Variants in ADGRL2 observed in about 807,000 individuals in gnomAD.
ADGRL2 encodes adhesion G protein-coupled receptor L2, also known as calcium-independent alpha-latrotoxin receptor 2.
In ADGRL2, 44 loss-of-function variants were observed where a neutral mutation model predicts 157.4. That is an observed-to-expected ratio of 0.28 (90% confidence interval 0.22 to 0.36). The LOEUF (loss-of-function observed/expected upper bound fraction) is 0.36, where lower values mean the gene tolerates loss of function less well. Among genes scored for constraint, ADGRL2 ranks in the 10% least tolerant of loss-of-function variants. The pLI is 1.00. For missense variants in ADGRL2, 1,510 were observed against 1,768.9 expected (o/e 0.85, Z 2.63); for synonymous variants, 585 against 624.7 (o/e 0.94, Z 0.95).
At chr1:81,341,373 G>T (rs1387693265) in intron 1 of ADGRL2, among the ~76,000 whole-genome samples, 2 of 152,006 alleles carry the variant, frequency 1.3e-5, no homozygotes, top group Non-Finnish European at 2.9e-5. Flanking sequence ...TGTCATCTCT[G>T]TGGCCTCTTC....
chr1:81,486,654 T>C (rs2078509062), intron 2 of ADGRL2, among the ~76,000 whole-genome samples: 1 of 152,162 alleles, frequency 6.6e-6, no homozygotes, highest in Non-Finnish European at 1.5e-5. Context: ...CTGTGGATTC[T>C]GAATTTGTCC....
intron 1 of ADGRL2, among the ~76,000 whole-genome samples, chr1:81,757,984 T>C (rs1290296459): frequency 6.6e-6 from 1 of 152,172 alleles, no homozygotes; most frequent in African/African-American, 2.4e-5. Context: ...GAACATAAAC[T>C]AGAACTTTAC....
intron 1 of ADGRL2, among the ~76,000 whole-genome samples, chr1:81,348,351 C>T (rs577468122): frequency 6.6e-5 from 10 of 152,142 alleles, no homozygotes; most frequent in South Asian, 2.1e-4. Flanking sequence ...AACAAGGCAA[C>T]GACAAACTCG....
At chr1:81,707,059 A>G (rs2083760294) in intron 1 of ADGRL2, among the ~76,000 whole-genome samples, 1 of 152,190 alleles carries the variant, frequency 6.6e-6, no homozygotes, top group Admixed American at 6.5e-5. Flanking sequence ...AGTAGTACAA[A>G]TTTAACTTGG....
chr1:81,578,054 T>C (rs936592246), intron 2 of ADGRL2, among the ~76,000 whole-genome samples: 3 of 152,148 alleles, frequency 2.0e-5, no homozygotes, highest in Non-Finnish European at 2.9e-5. Context: ...AAGAAATAAA[T>C]GACACAGGGT....
At chr1:81,306,755 A>G (rs1659363565) in intron 1 of ADGRL2, among the ~76,000 whole-genome samples, 1 of 152,172 alleles carries the variant, frequency 6.6e-6, no homozygotes, top group Non-Finnish European at 1.5e-5. Context: ...TCCACTCTCT[A>G]ATGTAGAAAT....
rs1570556835 is a variant in ADGRL2 at position 81,579,455 on chromosome 1, A to G, written c.-247-1421A>G. 3 of 152,214 alleles carry G rather than the reference A, an allele frequency of 2.0e-5. No homozygotes were observed. In the East Asian group the frequency reaches 5.8e-4, roughly 29 times the overall value. 9.4% of individuals were successfully genotyped at this position (152,214 alleles called of 1,614,324 possible). A position where few individuals can be genotyped will look rare whatever the true frequency, so the allele number is the denominator to read the frequency against. ...TACTGGCAATCAGACCTTGAAAACT[A>G]CTCCATGCCCAATAATAATGAAGAT... On this transcript the variant is annotated intron_variant, in intron 2 of 24. Coordinates refer to the ADGRL2 transcript ENST00000370721.
intron 3 of ADGRL2, among the ~76,000 whole-genome samples, chr1:81,627,485 A>G (rs757782309): frequency 1.3e-5 from 2 of 152,142 alleles, no homozygotes; most frequent in Non-Finnish European, 2.9e-5. Context: ...ATTTACTGAG[A>G]GTTTACTATG....
chr1:81,775,988 G>A (rs1196120159), intron 2 of ADGRL2, among the ~76,000 whole-genome samples: 1 of 151,934 alleles, frequency 6.6e-6, no homozygotes, highest in Non-Finnish European at 1.5e-5. Flanking sequence ...CTTTTTTCTG[G>A]TACCTATTTT....
intron 3 of ADGRL2, among the ~76,000 whole-genome samples, chr1:81,635,009 G>T (rs1186223586): frequency 6.6e-6 from 1 of 152,186 alleles, no homozygotes; most frequent in Non-Finnish European, 1.5e-5. Context: ...ACCTAGAAGT[G>T]CTGGGGCTTA....
At chr1:81,816,287 A>C (rs2090396552) in intron 1 of ADGRL2, among the ~76,000 whole-genome samples, 1 of 151,916 alleles carries the variant, frequency 6.6e-6, no homozygotes, top group Non-Finnish European at 1.5e-5. Context: ...AAATCACCAT[A>C]AACTCTTATG....
chr1:81,646,328 G>T (rs1395990159), intron 3 of ADGRL2, among the ~76,000 whole-genome samples: 1 of 152,098 alleles, frequency 6.6e-6, no homozygotes, highest in Non-Finnish European at 1.5e-5. Flanking sequence ...ATTATTTCTT[G>T]GACTAGGAGG....
intron 6 of ADGRL2, among the ~76,000 whole-genome samples, chr1:81,948,634 G>A (rs1237894190): frequency 5.3e-5 from 8 of 152,166 alleles, no homozygotes; most frequent in Admixed American, 4.6e-4. Flanking sequence ...TGGCTGCATT[G>A]TAATCAAAAG....
chr1:81,842,541 A>G (rs2092633452), intron 2 of ADGRL2, among the ~76,000 whole-genome samples: 1 of 151,566 alleles, frequency 6.6e-6, no homozygotes, highest in Non-Finnish European at 1.5e-5. Flanking sequence ...TATTTTTAGT[A>G]GAGACGGGGT....
At chr1:81,504,153 GC>G (rs950988997) in intron 2 of ADGRL2, among the ~76,000 whole-genome samples, 7 of 152,190 alleles carry the variant, frequency 4.6e-5, no homozygotes, top group African/African-American at 1.7e-4. Context: ...CCTCGGGGCT[GC>G]CCAGCCCTGG....
intron 1 of ADGRL2, among the ~76,000 whole-genome samples, chr1:81,727,521 C>G (rs1570979199): frequency 6.6e-6 from 1 of 152,088 alleles, no homozygotes; most frequent in East Asian, 1.9e-4. Flanking sequence ...TAACCTCTGA[C>G]TCCCTGGTTC....
chr1:81,760,973 T>C (rs2085862395), intron 1 of ADGRL2, among the ~76,000 whole-genome samples: 1 of 151,924 alleles, frequency 6.6e-6, no homozygotes, highest in Non-Finnish European at 1.5e-5. Context: ...TTGACTTCCA[T>C]ATTTAGTATT....
chr1:81,926,813 T>A (rs562982227), intron 3 of ADGRL2, among the ~76,000 whole-genome samples: 3 of 152,050 alleles, frequency 2.0e-5, no homozygotes, highest in African/African-American at 7.2e-5. Context: ...CACATTTATG[T>A]TGAATGTGCA....
intron 2 of ADGRL2, among the ~76,000 whole-genome samples, chr1:81,849,872 A>C (rs987446019): frequency 2.6e-4 from 39 of 151,946 alleles, no homozygotes; most frequent in African/African-American, 8.7e-4. Context: ...AGATAAATAC[A>C]TACAAATAAC....
Sources: gnomAD v4.1 joint callset for allele counts (sites outside exome capture counted in the v4.1 genomes callset) on GRCh38, gnomAD v4.1.1 for gene constraint, MANE v1.5 for transcripts, NCBI Gene and HGNC (gene_info 2026-07-23, HGNC 2026-07-21) for gene names.